ELP4: variants seen among roughly 807,000 people sequenced by gnomAD.
ELP4 encodes the protein elongator complex protein 4.
Under a neutral mutation model 48.9 loss-of-function variants are expected in ELP4, and 51 were observed. That is an observed-to-expected ratio of 1.04 (90% CI 0.83 to 1.32). The LOEUF (loss-of-function observed/expected upper bound fraction) is 1.32. ELP4 is among the 40% of genes most tolerant of loss of function. The pLI is 0.00. For synonymous variants in ELP4, 210 were observed against 189.2 expected (o/e 1.11, Z -0.90); for missense variants, 519 against 514.6 (o/e 1.01, Z -0.08).
Position 31,784,038 on chromosome 11 carries a change from G to C in ELP4, c.*514G>C, listed in dbSNP as rs1176103323. On this transcript the variant is annotated 3_prime_UTR_variant, in exon 10 of 10. Coordinates refer to ENST00000640961, the MANE Select transcript of ELP4 (RefSeq NM_019040.5). ...TGATAAAGACAAAGTAATATTTTGG[G>C]ATTTAGATTCCACTAGAGATAATTA... is the stretch of plus-strand genomic sequence containing the variant. 3 of 152,160 alleles carry C rather than the reference G, an allele frequency of 2.0e-5. No individual in the cohort carries two copies. The highest frequency in any genetic ancestry group is 4.4e-5 in the Non-Finnish European group (3 of 68,052). 9.4% of individuals were successfully genotyped at this position (152,160 alleles called of 1,614,324 possible).
intron 5 of ELP4, among the ~76,000 whole-genome samples, chr11:31,609,771 C>A (rs553964680): frequency 2.6e-5 from 4 of 152,184 alleles, no homozygotes; most frequent in Middle Eastern, 6.8e-3. Flanking sequence ...ATGAGTCATG[C>A]CTCTAATCCC....
Position 31,682,152 on chromosome 11 carries a change from G to A in ELP4, c.1143+31931G>A, listed in dbSNP as rs779511074. The stretch of plus-strand genomic sequence containing the variant: ...CCAACTATGCAACAGTTTCAGCCAA[G>A]CTATTGACAAATCTAAGAGAGATTT... On this transcript the variant is annotated intron_variant, in intron 9 of 9. Transcript: ENST00000640961. The A allele has an allele frequency of 4.6e-4, 517 of 1,117,658 alleles. 2 individuals are homozygous for A. Among genetic ancestry groups the A allele is most frequent in the Non-Finnish European group, 5.6e-4 (495 of 883,608 alleles). 69.2% of individuals were successfully genotyped at this position (1,117,658 alleles called of 1,614,324 possible).
At chr11:31,752,185 A>G (rs1947736038) in intron 9 of ELP4, among the ~76,000 whole-genome samples, 1 of 152,166 alleles carries the variant, frequency 6.6e-6, no homozygotes. Context: ...TACTATTGCT[A>G]CTACTAGATA....
chr11:31,694,256 G>T (rs113040246), intron 9 of ELP4, among the ~76,000 whole-genome samples: 1 of 151,902 alleles, frequency 6.6e-6, no homozygotes, highest in African/African-American at 2.4e-5. Context: ...GTCCTGAATG[G>T]TATTGCCTAG....
At chr11:31,583,089 C>T (rs1449476450) in intron 3 of ELP4, among the ~76,000 whole-genome samples, 11 of 152,066 alleles carry the variant, frequency 7.2e-5, no homozygotes, top group Non-Finnish European at 1.5e-5. Context: ...GGGTAGAATC[C>T]TGACTCTTAG....
intron 3 of ELP4, among the ~76,000 whole-genome samples, chr11:31,549,024 ATAAAAACCC>A (rs1231243312): frequency 1.3e-5 from 2 of 152,180 alleles, no homozygotes; most frequent in Non-Finnish European, 2.9e-5. Context: ...ACCTAAAACC[ATAAAAACCC>A]TAGAAGAAAA....
intron 3 of ELP4, among the ~76,000 whole-genome samples, chr11:31,585,939 G>C (rs1167882615): frequency 6.6e-6 from 1 of 152,094 alleles, no homozygotes. Context: ...TTAAAAATTA[G>C]CCAGGATTGG....
In ELP4 at chr11:31,783,546, A is replaced by AT; in HGVS notation, c.*23dup. On this transcript the variant is annotated 3_prime_UTR_variant, in exon 10 of 10. Transcript: ENST00000640961. ...CTAGGGATTCCTCCTTAGTCGCTGCATGCAGAATTCTATGACACTCTAATT... is the reference window on the plus strand; with the variant it reads ...CTAGGGATTCCTCCTTAGTCGCTGCATTGCAGAATTCTATGACACTCTAATT... 6.2e-7 allele frequency: 1 copy of AT among 1,609,968 alleles called. No individual in the cohort carries two copies. Among genetic ancestry groups the AT allele is most frequent in the Non-Finnish European group, 8.5e-7 (1 of 1,177,790 alleles).
At chr11:31,606,285 A>G (rs1957873063) in intron 5 of ELP4, among the ~76,000 whole-genome samples, 1 of 152,132 alleles carries the variant, frequency 6.6e-6, no homozygotes, top group Non-Finnish European at 1.5e-5. Context: ...TAATTTATGA[A>G]AAGCATGTGC....
chr11:31,672,796 AAAAT>A (rs1287914066), intron 9 of ELP4, among the ~76,000 whole-genome samples: 3 of 151,972 alleles, frequency 2.0e-5, no homozygotes, highest in Non-Finnish European at 4.4e-5. Context: ...CTCAAAATAA[AAAAT>A]AAAATAATAA....
chr11:31,537,733 A>C (rs1423841090), intron 2 of ELP4, among the ~76,000 whole-genome samples: 2 of 152,056 alleles, frequency 1.3e-5, no homozygotes, highest in African/African-American at 4.8e-5. Context: ...TGAGAACGGC[A>C]CCAAAGGGGA....
chr11:31,517,891 TAC>T (rs1204003163), intron 1 of ELP4, among the ~76,000 whole-genome samples: 2 of 152,140 alleles, frequency 1.3e-5, no homozygotes, highest in African/African-American at 4.8e-5. Flanking sequence ...GTGCTGGGAT[TAC>T]AGTCGTGAGC....
At chr11:31,699,333 G>A (rs530038491) in intron 9 of ELP4, among the ~76,000 whole-genome samples, 6 of 152,198 alleles carry the variant, frequency 3.9e-5, no homozygotes. Context: ...CATGGCCCAG[G>A]ATTTAATTCA....
intron 7 of ELP4, among the ~76,000 whole-genome samples, chr11:31,644,518 T>C (rs1370105521): frequency 6.6e-6 from 1 of 151,826 alleles, no homozygotes; most frequent in Non-Finnish European, 1.5e-5. Context: ...CAGATCATTA[T>C]GCTAAAGCTT....
intron 9 of ELP4, among the ~76,000 whole-genome samples, chr11:31,746,137 A>T (rs1403755600): frequency 2.6e-5 from 4 of 152,372 alleles, no homozygotes; most frequent in Admixed American, 6.5e-5. Context: ...ACATGAAAAA[A>T]TGCTCATCAT....
Position 31,563,552 on chromosome 11 carries a change from A to C in ELP4, c.381+23769A>C. Reference sequence around the variant, plus strand: ...AAATATACATAAATACTGGAATAATATTTTTATATGGGAATTTTATAATTT... The same window carrying C: ...AAATATACATAAATACTGGAATAATCTTTTTATATGGGAATTTTATAATTT... On this transcript the variant is annotated intron_variant, in intron 3 of 9. Coordinates refer to ENST00000640961, the MANE Select transcript of ELP4 (RefSeq NM_019040.5). Among the ~76,000 whole-genome samples, 2 of 152,262 alleles carry C rather than the reference A, an allele frequency of 1.3e-5. 1 individual carries two copies. The highest frequency in any genetic ancestry group is 6.8e-3 in the Middle Eastern group (2 of 294).
chr11:31,571,808 G>A (rs1168137423), intron 3 of ELP4, among the ~76,000 whole-genome samples: 1 of 152,152 alleles, frequency 6.6e-6, no homozygotes, highest in Admixed American at 6.6e-5. Flanking sequence ...TGAAAGGATT[G>A]TTTTTTCTGA....
intron 9 of ELP4, among the ~76,000 whole-genome samples, chr11:31,729,964 G>A (rs1947149607): frequency 1.3e-5 from 2 of 152,254 alleles, no homozygotes; most frequent in African/African-American, 4.8e-5. Context: ...CGAGATTGTA[G>A]AATAGGAATC....
At chr11:31,656,513 CCTT>C in intron 9 of ELP4, among the ~76,000 whole-genome samples, 1 of 151,966 alleles carries the variant, frequency 6.6e-6, no homozygotes, top group Middle Eastern at 3.4e-3. Flanking sequence ...AAATATGACA[CCTT>C]GACCGTAATT....
Sources: allele counts gnomAD v4.1 joint callset (sites outside exome capture counted in the v4.1 genomes callset), GRCh38; gene constraint gnomAD v4.1.1; transcripts MANE v1.5; gene names NCBI Gene and HGNC (gene_info 2026-07-23, HGNC 2026-07-21).